DNM3: variants seen among roughly 807,000 people sequenced by gnomAD.
The protein encoded by DNM3 is dynamin-3.
Under a neutral mutation model 101.6 loss-of-function variants are expected in DNM3, and 47 were observed. The ratio of observed to expected loss-of-function variants is 0.46; its 90% CI spans 0.37 to 0.59. The LOEUF is 0.59. DNM3 is among the 20% of genes least tolerant of loss of function. The pLI is 0.00. For synonymous variants in DNM3, 385 were observed against 387.9 expected (o/e 0.99, Z 0.09); for missense variants, 849 against 1,085.7 (o/e 0.78, Z 3.06).
At chr1:171,875,137 C>T (rs1003043028) in intron 1 of DNM3, among the ~76,000 whole-genome samples, 1 of 152,254 alleles carries the variant, frequency 6.6e-6, no homozygotes, top group East Asian at 1.9e-4. Context: ...CATATGAGTG[C>T]ATGTGTCTTT....
At chr1:172,192,681 C>T (rs1419001727) in intron 14 of DNM3, among the ~76,000 whole-genome samples, 1 of 151,884 alleles carries the variant, frequency 6.6e-6, no homozygotes, top group Non-Finnish European at 1.5e-5. Context: ...CCAATTTCAT[C>T]CATGTTCCTA....
At chr1:172,009,494 T>TAAATTAAAATTTAATTAATTA in intron 4 of DNM3, among the ~76,000 whole-genome samples, 1 of 151,644 alleles carries the variant, frequency 6.6e-6, no homozygotes, top group Admixed American at 6.6e-5. Flanking sequence ...TTAAATTAAT[T>TAAATTAAAATTTAATTAATTA]AAATTAAAAT....
At chr1:172,078,552 C>T (rs996883818) in intron 11 of DNM3, among the ~76,000 whole-genome samples, 1 of 151,954 alleles carries the variant, frequency 6.6e-6, no homozygotes, top group African/African-American at 2.4e-5. Flanking sequence ...TTACAGCACA[C>T]TGATGGGTCT....
intron 4 of DNM3, among the ~76,000 whole-genome samples, chr1:171,993,099 C>A (rs949920133): frequency 6.6e-6 from 1 of 151,994 alleles, no homozygotes; most frequent in Non-Finnish European, 1.5e-5. Context: ...ATATGATTAT[C>A]TTTTAAATCA....
At chr1:171,845,372 G>C (rs2031909310) in intron 1 of DNM3, among the ~76,000 whole-genome samples, 1 of 152,192 alleles carries the variant, frequency 6.6e-6, no homozygotes, top group Admixed American at 6.5e-5. Context: ...AACGTAGTGA[G>C]ATCTTGTCTC....
intron 17 of DNM3, among the ~76,000 whole-genome samples, chr1:172,372,007 T>G (rs1487777491): frequency 6.7e-6 from 1 of 149,348 alleles, no homozygotes; most frequent in Non-Finnish European, 1.5e-5. Flanking sequence ...GCTGGTGTGC[T>G]GCACCCACTA....
chr1:172,165,477 G>A (rs1460898724), intron 14 of DNM3, among the ~76,000 whole-genome samples: 4 of 151,958 alleles, frequency 2.6e-5, no homozygotes, highest in Admixed American at 1.3e-4. Context: ...GTTCAAATTT[G>A]TTAGTCTTGG....
In DNM3 at chr1:172,323,315, G is replaced by A. The variant is rs1256263091; in HGVS notation, c.1882-14G>A. On this transcript the variant is annotated splice_polypyrimidine_tract_variant and intron_variant, in intron 16 of 20. Transcript: ENST00000627582. ...ACATATTTCTCTTTCTTTTCCTTGCGGCTACATGCATAGGGGAACAACAAA... is the reference window on the plus strand; with the variant it reads ...ACATATTTCTCTTTCTTTTCCTTGCAGCTACATGCATAGGGGAACAACAAA... 4.4e-6 allele frequency: 7 copies of A among 1,596,632 alleles called. No homozygotes were observed. The highest frequency in any genetic ancestry group is 2.2e-5 in the East Asian group (1 of 44,468).
intron 1 of DNM3, among the ~76,000 whole-genome samples, chr1:171,910,720 G>A (rs1265745428): frequency 6.6e-6 from 1 of 152,158 alleles, no homozygotes; most frequent in Non-Finnish European, 1.5e-5. Context: ...TGATGATAAG[G>A]ATAATAGCAG....
chr1:171,866,937 C>T (rs539608618), intron 1 of DNM3, among the ~76,000 whole-genome samples: 2 of 152,322 alleles, frequency 1.3e-5, no homozygotes, highest in African/African-American at 4.8e-5. Context: ...AGCAGTCACA[C>T]TCAGTTGTAC....
chr1:172,227,266 T>TATGTGATATATATATATATATA (rs2061159882), intron 14 of DNM3, among the ~76,000 whole-genome samples: 2 of 61,930 alleles, frequency 3.2e-5, no homozygotes, highest in Admixed American at 4.3e-4. Context: ...TGGATAGTAT[T>TATGTGATATATATATATATATA]TTGTGATATA....
At chr1:172,342,821 A>C (rs190330198) in intron 17 of DNM3, among the ~76,000 whole-genome samples, 2 of 152,352 alleles carry the variant, frequency 1.3e-5, no homozygotes, top group Non-Finnish European at 2.9e-5. Flanking sequence ...AGTAATCTGT[A>C]AAGCTATTGT....
chr1:172,127,385 C>CCTA lies in DNM3; in HGVS notation c.1546-3790_1546-3789insCTA, dbSNP rs1553385322. ...TGTATCGCCAATCTCTTACTCTCTA[C>CCTA]TTATTATTATTATTATTATTATTAT... is the stretch of plus-strand genomic sequence containing the variant. On this transcript the variant is annotated intron_variant, in intron 13 of 20. Transcript: ENST00000627582. Among the ~76,000 whole-genome samples the CCTA allele has an allele frequency of 2.9e-5, 4 of 137,672 alleles. No homozygotes were observed. In the East Asian group the frequency reaches 8.5e-4, roughly 29 times the overall value. The allele number at this position is 137,672 out of a possible 152,430, so 90.3% of individuals were successfully genotyped here. A position where few individuals can be genotyped will look rare whatever the true frequency, so the allele number is the denominator to read the frequency against.
intron 1 of DNM3, among the ~76,000 whole-genome samples, chr1:171,876,355 T>C (rs965553050): frequency 6.6e-6 from 1 of 152,164 alleles, no homozygotes; most frequent in African/African-American, 2.4e-5. Context: ...AAAGGACAGT[T>C]CACTTCTTCC....
intron 14 of DNM3, among the ~76,000 whole-genome samples, chr1:172,169,141 C>T (rs2058856357): frequency 6.6e-6 from 1 of 151,818 alleles, no homozygotes; most frequent in Admixed American, 6.6e-5. Flanking sequence ...GAATCCTTCC[C>T]TATTTCTGCA....
At chr1:172,299,919 G>A (rs1481505877) in intron 15 of DNM3, among the ~76,000 whole-genome samples, 2 of 152,152 alleles carry the variant, frequency 1.3e-5, no homozygotes, top group Non-Finnish European at 2.9e-5. Context: ...GAATTGCTGG[G>A]TCAAATGGTA....
intron 6 of DNM3, among the ~76,000 whole-genome samples, chr1:172,036,260 G>T (rs1455819855): frequency 6.8e-6 from 1 of 146,784 alleles, no homozygotes; most frequent in Non-Finnish European, 1.5e-5. Flanking sequence ...GCGGTGTTTG[G>T]TTTTTTGTTC....
chr1:172,376,611 A>AG, intron 17 of DNM3: 1 of 152,200 alleles, frequency 6.6e-6, no homozygotes, highest in African/African-American at 2.4e-5. Flanking sequence ...CATTGGTAGA[A>AG]GGGGCAGTTT....
chr1:171,943,278 A>C (rs2041939953), intron 2 of DNM3, among the ~76,000 whole-genome samples: 1 of 152,122 alleles, frequency 6.6e-6, no homozygotes, highest in East Asian at 1.9e-4. Context: ...AAGCCCACCA[A>C]CCATTTGAAT....
Sources: allele counts gnomAD v4.1 joint callset (sites outside exome capture counted in the v4.1 genomes callset), GRCh38; gene constraint gnomAD v4.1.1; transcripts MANE v1.5; gene names NCBI Gene and HGNC (gene_info 2026-07-23, HGNC 2026-07-21).